FOXN3: variants seen among roughly 807,000 people sequenced by gnomAD.
FOXN3 encodes forkhead box protein N3.
FOXN3 carries 7 observed loss-of-function variants against 38.4 expected under a neutral mutation model. The ratio of observed to expected loss-of-function variants is 0.18; its 90% CI spans 0.10 to 0.34. FOXN3 has a LOEUF of 0.34. Among genes scored for constraint, FOXN3 ranks in the 10% least tolerant of loss-of-function variants. The pLI is 1.00. For synonymous variants in FOXN3, 230 were observed against 242.2 expected (o/e 0.95, Z 0.47); for missense variants, 456 against 613.4 (o/e 0.74, Z 2.71).
At chr14:89,425,687 T>C (rs1892012224) in intron 1 of FOXN3, among the ~76,000 whole-genome samples, 2 of 152,334 alleles carry the variant, frequency 1.3e-5, no homozygotes, top group South Asian at 4.1e-4. Context: ...TTTTTATTCA[T>C]AGTAGTTGTG....
At chr14:89,523,555 C>T (rs1291800800) in intron 1 of FOXN3, among the ~76,000 whole-genome samples, 1 of 152,056 alleles carries the variant, frequency 6.6e-6, no homozygotes, top group East Asian at 1.9e-4. Flanking sequence ...TTGGAAAATT[C>T]TTAAATATTT....
At chr14:89,496,549 C>G (rs1232935240) in intron 1 of FOXN3, among the ~76,000 whole-genome samples, 17 of 152,000 alleles carry the variant, frequency 1.1e-4, no homozygotes. Flanking sequence ...TTGGGAGCAG[C>G]AGTAATTATT....
rs970120435 is a variant in FOXN3, at chr14:89,530,998, TAA to T, written c.-15+88028_-15+88029del. On this transcript the variant is annotated intron_variant, in intron 1 of 6. Transcript: ENST00000345097. ...ATATACATATATATCTACACATATA[TAA>T]TATATATACATATAATATCTACACA... 7.5e-5 allele frequency among the ~76,000 whole-genome samples: 11 copies of T among 147,482 alleles called. No homozygotes were observed. The South Asian group carries it at 2.1e-3, about 28-fold the overall frequency.
chr14:89,180,378 G>A (rs897597386), intron 5 of FOXN3, among the ~76,000 whole-genome samples: 6 of 152,142 alleles, frequency 3.9e-5, no homozygotes, highest in Non-Finnish European at 5.9e-5. Context: ...CGCTAGGCCC[G>A]TTAGCCTAGA....
intron 1 of FOXN3, among the ~76,000 whole-genome samples, chr14:89,524,892 T>C (rs947340303): frequency 6.6e-6 from 1 of 152,152 alleles, no homozygotes; most frequent in Non-Finnish European, 1.5e-5. Context: ...ATTGGAGTTA[T>C]GAATAGCCCT....
Position 89,308,138 on chromosome 14 carries a change from G to A in FOXN3, c.681-27124C>T, listed in dbSNP as rs189570796. 2.9e-3 allele frequency among the ~76,000 whole-genome samples: 445 copies of A among 152,212 alleles called. 4 individuals are homozygous for A. The highest frequency in any genetic ancestry group is 9.8e-3 in the African/African-American group (405 of 41,528). On this transcript the variant is annotated intron_variant, in intron 3 of 5. Coordinates refer to ENST00000557258, the MANE Select transcript of FOXN3 (RefSeq NM_005197.4). ...AGTTTAGCCAGGCGTGGTGGCACCC[G>A]CCTATAATCCCAGCTACTCGGGAGG...
intron 1 of FOXN3, among the ~76,000 whole-genome samples, chr14:89,561,175 C>T (rs12884891): frequency 2.0e-5 from 3 of 152,066 alleles, no homozygotes; most frequent in South Asian, 2.1e-4. Context: ...ACGGTGGCCT[C>T]GGCACATCTT....
At chr14:89,198,777 G>C (rs1258975764) in intron 4 of FOXN3, among the ~76,000 whole-genome samples, 2 of 152,234 alleles carry the variant, frequency 1.3e-5, no homozygotes, top group East Asian at 3.8e-4. Context: ...AAGGTGAATA[G>C]TGCTAAGGCT....
At position 89,156,363 on chromosome 14, in the gene FOXN3, A is replaced by G. The variant is rs1366174393; in HGVS notation, c.*6051T>C. The G allele has an allele frequency of 6.5e-6, 1 of 152,798 alleles. No homozygotes were observed. Among genetic ancestry groups the G allele is most frequent in the East Asian group, 1.9e-4 (1 of 5,192 alleles). 9.5% of individuals were successfully genotyped at this position (152,798 alleles called of 1,614,324 possible). A position where few individuals can be genotyped will look rare whatever the true frequency, so the allele number is the denominator to read the frequency against. The stretch of plus-strand genomic sequence containing the variant: ...TATGGATGCCTTCCAAGCAACACCA[A>G]GTCCCTAGAGTTCGGCTGATCGCGC... On this transcript the variant is annotated 3_prime_UTR_variant, in exon 6 of 6. Coordinates refer to ENST00000557258, the MANE Select transcript of FOXN3 (RefSeq NM_005197.4).
At position 89,158,971 on chromosome 14, in the gene FOXN3, T is replaced by G. The variant is rs1887039357; in HGVS notation, c.*3443A>C. On this transcript the variant is annotated 3_prime_UTR_variant, in exon 6 of 6. Transcript: ENST00000557258. The stretch of plus-strand genomic sequence containing the variant: ...GCAAAAACGCCACACCTCTTAATGG[T>G]GTTCAGGCGATCTGTCAGACTAATG... The G allele has an allele frequency of 6.6e-6, 1 of 152,164 alleles. No individual in the cohort carries two copies. The highest frequency in any genetic ancestry group is 1.5e-5 in the Non-Finnish European group (1 of 68,004). 9.4% of individuals were successfully genotyped at this position (152,164 alleles called of 1,614,324 possible). A position where few individuals can be genotyped will look rare whatever the true frequency, so the allele number is the denominator to read the frequency against.
intron 3 of FOXN3, among the ~76,000 whole-genome samples, chr14:89,288,196 G>A (rs772409432): frequency 5.9e-5 from 9 of 152,184 alleles, no homozygotes; most frequent in Non-Finnish European, 7.3e-5. Flanking sequence ...CAATTGCTGA[G>A]GAGGCATGAC....
chr14:89,399,210 C>A (rs772997701), intron 2 of FOXN3, among the ~76,000 whole-genome samples: 49 of 152,132 alleles, frequency 3.2e-4, no homozygotes, highest in Non-Finnish European at 6.6e-4. Flanking sequence ...ATGACAAAGA[C>A]AAGGCGCAGA....
At chr14:89,530,566 G>A (rs1026701684) in intron 1 of FOXN3, among the ~76,000 whole-genome samples, 9 of 152,022 alleles carry the variant, frequency 5.9e-5, no homozygotes, top group Admixed American at 1.3e-4. Context: ...CCGTATCAGC[G>A]ACCAAGGGAG....
chr14:89,571,904 T>C (rs1238449056), intron 1 of FOXN3, among the ~76,000 whole-genome samples: 1 of 152,236 alleles, frequency 6.6e-6, no homozygotes, highest in Non-Finnish European at 1.5e-5. Context: ...CATAAAATTA[T>C]AGAATTTTAG....
At chr14:89,207,623 G>A (rs1888418940) in intron 4 of FOXN3, among the ~76,000 whole-genome samples, 1 of 152,166 alleles carries the variant, frequency 6.6e-6, no homozygotes, top group Admixed American at 6.5e-5. Flanking sequence ...GATGACTGCT[G>A]GGTGAAAAGT....
chr14:89,180,715 C>T lies in FOXN3; in HGVS notation c.837G>A (p.Val279=). ...VRPLPITPIG[V]TAAMRNGITS... ...TCCCCACTTACCTCATGGCCGCTGT[C>T]ACCCCAATGGGAGTGATTGGCAGCG... Residue 279 remains valine, a synonymous_variant, in exon 5 of 6, where the codon GTG becomes GTA. Coordinates refer to ENST00000557258, the MANE Select transcript of FOXN3 (RefSeq NM_005197.4). 2.5e-6 allele frequency: 4 copies of T among 1,608,904 alleles called. No individual in the cohort carries two copies. Among genetic ancestry groups the T allele is most frequent in the Non-Finnish European group, 3.4e-6 (4 of 1,177,430 alleles).
chr14:89,360,765 A>AC (rs1566966433), intron 2 of FOXN3, among the ~76,000 whole-genome samples: 5 of 65,872 alleles, frequency 7.6e-5, no homozygotes, highest in Non-Finnish European at 1.5e-4. Context: ...CACCTCCACC[A>AC]CTACCACCTC....
chr14:89,171,642 T>C (rs1207205516), intron 5 of FOXN3, among the ~76,000 whole-genome samples: 3 of 152,014 alleles, frequency 2.0e-5, no homozygotes, highest in Non-Finnish European at 2.9e-5. Flanking sequence ...GAAAGAAAAA[T>C]TTTATAGTTA....
At chr14:89,395,188 A>T (rs553020308) in intron 2 of FOXN3, among the ~76,000 whole-genome samples, 1 of 152,358 alleles carries the variant, frequency 6.6e-6, no homozygotes, top group South Asian at 2.1e-4. Flanking sequence ...CATGTGTCTA[A>T]CAAAAGCACA....
Sources: gnomAD v4.1 joint callset for allele counts (sites outside exome capture counted in the v4.1 genomes callset) on GRCh38, gnomAD v4.1.1 for gene constraint, MANE v1.5 for transcripts, NCBI Gene and HGNC (gene_info 2026-07-23, HGNC 2026-07-21) for gene names.